KIF26B: variants seen among roughly 807,000 people sequenced by gnomAD.
The protein encoded by KIF26B is kinesin family member 26B.
KIF26B carries 63 observed loss-of-function variants against 151.2 expected under a neutral mutation model. The ratio of observed to expected loss-of-function variants is 0.42; its 90% CI spans 0.34 to 0.51. The LOEUF (loss-of-function observed/expected upper bound fraction) is 0.51. KIF26B is among the 20% of genes least tolerant of loss of function. The probability of loss-of-function intolerance (pLI) is 0.07; values close to 1 mark genes in which losing one functional copy is unlikely to be tolerated. For synonymous variants in KIF26B, 1,357 were observed against 1,262.1 expected (o/e 1.08, Z -1.59); for missense variants, 2,813 against 2,913.6 (o/e 0.97, Z 0.79).
At chr1:245,251,886 G>A (rs997419489) in intron 2 of KIF26B, among the ~76,000 whole-genome samples, 3 of 151,968 alleles carry the variant, frequency 2.0e-5, no homozygotes, top group African/African-American at 7.2e-5. Context: ...TATATATATG[G>A]TTAATATATA....
chr1:245,398,928 A>G (rs943722252), intron 3 of KIF26B, among the ~76,000 whole-genome samples: 3 of 152,146 alleles, frequency 2.0e-5, no homozygotes, highest in Non-Finnish European at 2.9e-5. Flanking sequence ...TGCGTATACC[A>G]TTAGCCTTTA....
In KIF26B at chr1:245,687,843, C is replaced by T. The variant is rs756415434; in HGVS notation, c.4860C>T (p.Gly1620=). 5.0e-6 allele frequency: 8 copies of T among 1,593,272 alleles called. No individual in the cohort carries two copies. Among genetic ancestry groups the T allele is most frequent in the Non-Finnish European group, 8.5e-7 (1 of 1,171,040 alleles). The change falls in exon 12 of 15, where the codon GGC becomes GGT. Residue 1620 remains glycine (G), a synonymous_variant. Coordinates refer to ENST00000407071, the MANE Select transcript of KIF26B (RefSeq NM_018012.4). This position sits in a 1 kb window ranked among gnomAD's most constrained non-coding sequence, Gnocchi z 4.9. ...CCAGCCCTCAGCACAGTGCCAGCGGCAGCGGCACCAGCAGCCCCCTGAACC... is the reference window on the plus strand; with the variant it reads ...CCAGCCCTCAGCACAGTGCCAGCGGTAGCGGCACCAGCAGCCCCCTGAACC... ...NRASPQHSAS[G]SGTSSPLNQP...
At position 245,687,912 on chromosome 1, in the gene KIF26B, C is replaced by A; in HGVS notation, c.4929C>A (p.Gly1643=). The A allele has an allele frequency of 6.3e-7, 1 of 1,593,232 alleles. No individual in the cohort carries two copies. The highest frequency in any genetic ancestry group is 2.3e-5 in the East Asian group (1 of 43,582). ...FPAGLPDEPS[G]KTKDASSSSK... ...CGGGCCTCCCAGACGAGCCTAGCGG[C>A]AAGACGAAGGACGCCAGCAGCAGCA... Residue 1643 remains glycine, a synonymous_variant, in exon 12 of 15, where the codon GGC becomes GGA. Transcript: ENST00000407071. The surrounding 1 kb of genome is among the most constrained non-coding windows in gnomAD (Gnocchi z 4.9).
Position 245,688,455 on chromosome 1 carries a change from G to A in KIF26B, c.5472G>A (p.Arg1824=). The change falls in exon 12 of 15, where the codon CGG becomes CGA. Residue 1824 remains arginine, a synonymous_variant. Transcript: ENST00000407071. ...GGAGARGLQL[R]AGPEAEARGG... Reference sequence around the variant, plus strand: ...CGGGCGCCCGGGGCTTGCAGCTGCGGGCCGGGCCCGAGGCGGAGGCGCGCG... The same window carrying A: ...CGGGCGCCCGGGGCTTGCAGCTGCGAGCCGGGCCCGAGGCGGAGGCGCGCG... 1 of 1,372,050 alleles carries A rather than the reference G, an allele frequency of 7.3e-7. No homozygotes were observed. The highest frequency in any genetic ancestry group is 9.3e-7 in the Non-Finnish European group (1 of 1,074,138). 85.0% of individuals were successfully genotyped at this position (1,372,050 alleles called of 1,614,324 possible).
chr1:245,371,839 T>G (rs1191573810), intron 3 of KIF26B: 1 of 152,138 alleles, frequency 6.6e-6, no homozygotes, highest in Non-Finnish European at 1.5e-5. Context: ...AAGAGTAATT[T>G]AGGAAGTACT....
chr1:245,486,486 C>G (rs1660283536), intron 4 of KIF26B, among the ~76,000 whole-genome samples: 1 of 151,992 alleles, frequency 6.6e-6, no homozygotes, highest in South Asian at 2.1e-4. Flanking sequence ...TTCATATATA[C>G]TATCTCATTA....
At chr1:245,626,264 T>G (rs898902511) in intron 9 of KIF26B, among the ~76,000 whole-genome samples, 1 of 152,182 alleles carries the variant, frequency 6.6e-6, no homozygotes, top group Non-Finnish European at 1.5e-5. Flanking sequence ...GATTGCTAGA[T>G]CATATGGTAG....
intron 3 of KIF26B, among the ~76,000 whole-genome samples, chr1:245,394,369 T>A (rs2103023863): frequency 6.6e-6 from 1 of 152,326 alleles, no homozygotes; most frequent in African/African-American, 2.4e-5. Context: ...ATGCCTGTAA[T>A]CCTAGCATTT....
At chr1:245,680,674 T>G (rs11804064) in intron 10 of KIF26B, among the ~76,000 whole-genome samples, 1 of 152,122 alleles carries the variant, frequency 6.6e-6, no homozygotes, top group African/African-American at 2.4e-5. Context: ...AACTTCAGAG[T>G]GCAGGCAGTC....
chr1:245,332,302 G>A (rs1051426391), intron 2 of KIF26B, among the ~76,000 whole-genome samples: 3 of 152,206 alleles, frequency 2.0e-5, no homozygotes, highest in African/African-American at 7.2e-5. Flanking sequence ...TCAGGCAGAT[G>A]ACTAAAAATG....
chr1:245,534,483 G>A (rs1410739678), intron 4 of KIF26B, among the ~76,000 whole-genome samples: 1 of 151,870 alleles, frequency 6.6e-6, no homozygotes, highest in Non-Finnish European at 1.5e-5. Context: ...TTTTATAGGT[G>A]TTCAGGAAAT....
rs191130110 is a variant in KIF26B at position 245,453,855 on chromosome 1, G to A, written c.1166+34110G>A. ...AAAATGTTTATTACTTCTAAATCCT[G>A]ATATTAAAGTAACAGCCCAGCGTAC... On this transcript the variant is annotated intron_variant, in intron 4 of 14. Coordinates refer to ENST00000407071, the MANE Select transcript of KIF26B (RefSeq NM_018012.4). Among the ~76,000 whole-genome samples, 245 of 152,278 alleles carry A rather than the reference G, an allele frequency of 1.6e-3. 1 individual carries two copies. The highest frequency in any genetic ancestry group is 1.5e-3 in the Non-Finnish European group (102 of 68,018).
At chr1:245,410,906 C>T (rs1481712209) in intron 3 of KIF26B, among the ~76,000 whole-genome samples, 4 of 148,370 alleles carry the variant, frequency 2.7e-5, no homozygotes, top group Admixed American at 6.9e-5. Context: ...ACTCTGCCCC[C>T]GTTAACAATA....
At chr1:245,304,382 GC>G (rs762957354) in intron 2 of KIF26B, among the ~76,000 whole-genome samples, 2 of 152,206 alleles carry the variant, frequency 1.3e-5, no homozygotes, top group Non-Finnish European at 2.9e-5. Context: ...TAATTGCCTT[GC>G]GATTGGGGAA....
At chr1:245,441,289 C>T (rs1659071232) in intron 4 of KIF26B, among the ~76,000 whole-genome samples, 1 of 152,148 alleles carries the variant, frequency 6.6e-6, no homozygotes, top group Non-Finnish European at 1.5e-5. Context: ...AGCCTGATAG[C>T]TCCCAAAAGA....
intron 4 of KIF26B, among the ~76,000 whole-genome samples, chr1:245,507,439 C>T (rs550710774): frequency 1.3e-5 from 2 of 152,328 alleles, no homozygotes; most frequent in African/African-American, 2.4e-5. Context: ...TCCTCGTGTC[C>T]TGTGTTGGAC....
At chr1:245,645,990 G>A (rs1410292740) in intron 9 of KIF26B, 131 bp from the exon 10 acceptor site, 1 of 928,540 alleles carries the variant, frequency 1.1e-6, no homozygotes, top group Non-Finnish European at 1.6e-6. Flanking sequence ...GGGTTTCCTA[G>A]TAGGTCATGA....
intron 2 of KIF26B, among the ~76,000 whole-genome samples, chr1:245,162,524 TA>T (rs1668549925): frequency 6.6e-6 from 1 of 151,998 alleles, no homozygotes; most frequent in South Asian, 2.1e-4. Context: ...TAGCTGGGAC[TA>T]CAGGCGCCCG....
chr1:245,570,561 G>A lies in KIF26B; in HGVS notation c.1350+29611G>A, dbSNP rs574994763. Among the ~76,000 whole-genome samples the A allele has an allele frequency of 2.6e-5, 4 of 152,290 alleles. No homozygotes were observed. The South Asian group carries it at 6.2e-4, about 24-fold the overall frequency. ...ATATGAATTCATGTCTGTTCCCTTC[G>A]TTTGGCACCCCCATGGGTTGTGGGC... On this transcript the variant is annotated intron_variant, in intron 5 of 14. Coordinates refer to ENST00000407071, the MANE Select transcript of KIF26B (RefSeq NM_018012.4).
Sources: allele counts gnomAD v4.1 joint callset (sites outside exome capture counted in the v4.1 genomes callset), GRCh38; gene constraint gnomAD v4.1.1; non-coding constraint Gnocchi (gnomAD v3.1); transcripts MANE v1.5; gene names NCBI Gene and HGNC (gene_info 2026-07-23, HGNC 2026-07-21).